Variants in CDH12 observed in about 807,000 individuals in gnomAD.
The protein encoded by CDH12 is cadherin-12.
CDH12 carries 41 observed loss-of-function variants against 74.1 expected under a neutral mutation model. The ratio of observed to expected loss-of-function variants is 0.55; its 90% confidence interval spans 0.43 to 0.72. The LOEUF is 0.72. Ranked by LOEUF, CDH12 falls within the 30% of genes least tolerant of loss-of-function variation. CDH12 has a pLI of 0.00. For missense variants in CDH12, 945 were observed against 977.2 expected, an observed-to-expected ratio of 0.97 and a Z score of 0.44; for synonymous variants, 399 against 355.0, an observed-to-expected ratio of 1.12 and a Z score of -1.39.
intron 2 of CDH12, among the ~76,000 whole-genome samples, chr5:22,433,184 C>A (rs1434055771): frequency 2.6e-5 from 4 of 152,078 alleles, no homozygotes; most frequent in Admixed American, 1.3e-4. Context: ...GAGCCACCTT[C>A]TTCTTTTCTC....
At chr5:22,845,819 A>T (rs907319366) in intron 1 of CDH12, among the ~76,000 whole-genome samples, 2 of 152,190 alleles carry the variant, frequency 1.3e-5, no homozygotes, top group African/African-American at 4.8e-5. Context: ...AAGTACTTTG[A>T]TACTATATCG....
chr5:22,155,379 T>A (rs1002620490), intron 4 of CDH12, among the ~76,000 whole-genome samples: 3 of 152,044 alleles, frequency 2.0e-5, no homozygotes, highest in Non-Finnish European at 4.4e-5. Context: ...ATTGGAGAGC[T>A]AAGAACCGTC....
intron 3 of CDH12, among the ~76,000 whole-genome samples, chr5:22,382,814 GTTATCA>G (rs1230329678): frequency 5.3e-5 from 7 of 132,410 alleles, no homozygotes; most frequent in African/African-American, 1.8e-4. Context: ...TAAATTTCAT[GTTATCA>G]TTATTATTAT....
intron 5 of CDH12, among the ~76,000 whole-genome samples, chr5:22,013,868 A>G (rs1267777842): frequency 2.0e-5 from 3 of 152,168 alleles, no homozygotes; most frequent in Non-Finnish European, 4.4e-5. Context: ...GCTTCTAGAA[A>G]AAAATAATGA....
intron 1 of CDH12, among the ~76,000 whole-genome samples, chr5:22,508,751 C>G (rs1257916484): frequency 1.3e-5 from 2 of 152,082 alleles, no homozygotes; most frequent in African/African-American, 4.8e-5. Context: ...GAAACCACCC[C>G]CTCCCGCCCC....
At chr5:22,108,229 C>T (rs1424577337) in intron 4 of CDH12, among the ~76,000 whole-genome samples, 2 of 152,144 alleles carry the variant, frequency 1.3e-5, no homozygotes, top group Admixed American at 6.6e-5. Flanking sequence ...AGTTCCCCTG[C>T]ACAAGCCTTC....
chr5:22,549,649 A>G (rs1312843920), intron 1 of CDH12, among the ~76,000 whole-genome samples: 4 of 152,160 alleles, frequency 2.6e-5, no homozygotes, highest in Non-Finnish European at 5.9e-5. Context: ...GTAGTTCAAA[A>G]CGACTGGAAA....
At chr5:21,997,748 G>A (rs948235495) in intron 5 of CDH12, among the ~76,000 whole-genome samples, 14 of 151,974 alleles carry the variant, frequency 9.2e-5, no homozygotes, top group Non-Finnish European at 1.6e-4. Context: ...CAAATAATAT[G>A]CATATTTTAA....
intron 4 of CDH12, among the ~76,000 whole-genome samples, chr5:22,166,160 C>T (rs1748669708): frequency 6.6e-6 from 1 of 152,058 alleles, no homozygotes; most frequent in Non-Finnish European, 1.5e-5. Context: ...TATCAATTAT[C>T]ACTTTTTTTA....
rs552355410 is a variant in CDH12, at chr5:21,861,501, G to A, written c.527-6711C>T. ...TTTGATTTACATAGTATTTTCATCT[G>A]TGATTAAATTTTGTTGTTTTCCAGT... On this transcript the variant is annotated intron_variant, in intron 6 of 14. Coordinates refer to ENST00000382254, the MANE Select transcript of CDH12 (RefSeq NM_004061.5). 1.1e-4 allele frequency among the ~76,000 whole-genome samples: 16 copies of A among 152,118 alleles called. No individual in the cohort carries two copies. In the East Asian group the frequency reaches 2.3e-3, roughly 22 times the overall value.
chr5:22,099,068 C>T (rs1328031322), intron 4 of CDH12, among the ~76,000 whole-genome samples: 1 of 152,136 alleles, frequency 6.6e-6, no homozygotes, highest in African/African-American at 2.4e-5. Flanking sequence ...GGCAAATTAG[C>T]TTTACTCAAC....
chr5:22,631,910 A>G (rs1041242543), intron 1 of CDH12, among the ~76,000 whole-genome samples: 2 of 152,094 alleles, frequency 1.3e-5, no homozygotes, highest in South Asian at 2.1e-4. Flanking sequence ...GTGTTAAACC[A>G]TTTATGAAGG....
chr5:22,571,271 T>C (rs1046268935), intron 1 of CDH12, among the ~76,000 whole-genome samples: 2 of 152,166 alleles, frequency 1.3e-5, no homozygotes, highest in Non-Finnish European at 2.9e-5. Flanking sequence ...AGATGTAACT[T>C]TCAGTCTATC....
At chr5:22,464,910 G>A (rs1745662754) in intron 2 of CDH12, among the ~76,000 whole-genome samples, 2 of 151,932 alleles carry the variant, frequency 1.3e-5, no homozygotes, top group South Asian at 2.1e-4. Context: ...GCTGAGATAG[G>A]AGAATGGCTT....
At chr5:22,269,034 T>C (rs1736262179) in intron 3 of CDH12, among the ~76,000 whole-genome samples, 1 of 152,060 alleles carries the variant, frequency 6.6e-6, no homozygotes, top group African/African-American at 2.4e-5. Flanking sequence ...CCTGGACAAA[T>C]TTGCTCATCT....
intron 11 of CDH12, among the ~76,000 whole-genome samples, chr5:21,773,562 C>G (rs1453502583): frequency 1.3e-5 from 2 of 152,180 alleles, no homozygotes; most frequent in East Asian, 3.9e-4. Flanking sequence ...CCTTCAGCCA[C>G]AGACTGAACG....
intron 6 of CDH12, among the ~76,000 whole-genome samples, chr5:21,876,040 T>C (rs921799261): frequency 1.3e-5 from 2 of 151,786 alleles, no homozygotes; most frequent in Admixed American, 1.3e-4. Context: ...GGACTACAGG[T>C]GCACGCCACC....
intron 1 of CDH12, among the ~76,000 whole-genome samples, chr5:22,506,822 A>C (rs1336171187): frequency 1.3e-5 from 2 of 152,162 alleles, no homozygotes; most frequent in Non-Finnish European, 2.9e-5. Context: ...AGATAACATT[A>C]TTTCATACTG....
intron 1 of CDH12, among the ~76,000 whole-genome samples, chr5:22,607,342 T>C (rs1737169339): frequency 6.6e-6 from 1 of 152,074 alleles, no homozygotes; most frequent in Non-Finnish European, 1.5e-5. Context: ...ACACTGCTGA[T>C]AAAGACATAC....
Sources: gnomAD v4.1 joint callset for allele counts (sites outside exome capture counted in the v4.1 genomes callset) on GRCh38, gnomAD v4.1.1 for gene constraint, MANE v1.5 for transcripts, NCBI Gene and HGNC (gene_info 2026-07-23, HGNC 2026-07-21) for gene names.